Variants in RASGRP3 observed in about 807,000 individuals in gnomAD.
The protein encoded by RASGRP3 is ras guanyl-releasing protein 3.
In RASGRP3, 54 loss-of-function variants were observed where a neutral mutation model predicts 82.7. That is an observed-to-expected ratio of 0.65 (90% CI 0.52 to 0.82). The LOEUF is 0.82. Among genes scored for constraint, RASGRP3 ranks in the 40% least tolerant of loss-of-function variants. The probability of loss-of-function intolerance (pLI) is 0.00; values close to 1 mark genes in which losing one functional copy is unlikely to be tolerated. For synonymous variants in RASGRP3, 309 were observed against 300.5 expected (o/e 1.03, Z -0.29); for missense variants, 861 against 828.9 (o/e 1.04, Z -0.48).
At chr2:33,535,137 T>A (rs1433456344) in intron 11 of RASGRP3, among the ~76,000 whole-genome samples, 1 of 152,208 alleles carries the variant, frequency 6.6e-6, no homozygotes. Flanking sequence ...ATTTACAAAT[T>A]TCTCTACTAA....
chr2:33,476,495 G>A (rs1355592545), upstream of RASGRP3: 1 of 152,222 alleles, frequency 6.6e-6, no homozygotes, highest in Non-Finnish European at 1.5e-5. Flanking sequence ...CCAACTCAGG[G>A]GTTATGAGGT....
intron 2 of RASGRP3, among the ~76,000 whole-genome samples, chr2:33,462,459 C>G (rs1195791691): frequency 6.6e-6 from 1 of 150,584 alleles, no homozygotes; most frequent in Non-Finnish European, 1.5e-5. Flanking sequence ...CACACTGCAA[C>G]CTACACCTCC....
chr2:33,473,330 C>CCGAGAT (rs979344280), upstream of RASGRP3, among the ~76,000 whole-genome samples: 4 of 151,972 alleles, frequency 2.6e-5, no homozygotes, highest in African/African-American at 9.7e-5. Flanking sequence ...TTGCAGTGAG[C>CCGAGAT]CGAGATCGCG....
At chr2:33,447,288 A>G (rs1665553945) in intron 1 of RASGRP3, among the ~76,000 whole-genome samples, 1 of 152,130 alleles carries the variant, frequency 6.6e-6, no homozygotes, top group African/African-American at 2.4e-5. Flanking sequence ...AGGCTGGGCC[A>G]GGGGGACAGA....
At chr2:33,472,622 A>G (rs779011435), upstream of RASGRP3, among the ~76,000 whole-genome samples, 30 of 152,162 alleles carry the variant, frequency 2.0e-4, no homozygotes, top group Non-Finnish European at 4.0e-4. Context: ...TATAGACGCC[A>G]TGGGAGAGCT....
intron 1 of RASGRP3, among the ~76,000 whole-genome samples, chr2:33,437,465 T>C (rs1664987148): frequency 6.6e-6 from 1 of 152,238 alleles, no homozygotes; most frequent in Admixed American, 6.5e-5. Flanking sequence ...AGTAACTTGA[T>C]TAATGTTACC....
At chr2:33,447,485 G>T (rs1173475122) in intron 1 of RASGRP3, among the ~76,000 whole-genome samples, 3 of 151,626 alleles carry the variant, frequency 2.0e-5, no homozygotes, top group Non-Finnish European at 2.9e-5. Context: ...ACCCAGGCTG[G>T]AGTGCAGTGG....
At chr2:33,562,264 TCTC>T (rs925457709) in intron 17 of RASGRP3, among the ~76,000 whole-genome samples, 4 of 118,124 alleles carry the variant, frequency 3.4e-5, no homozygotes, top group South Asian at 2.7e-4. Context: ...ATGATCTCTC[TCTC>T]TTTTTTTTTT....
In RASGRP3 at chr2:33,471,447, ACTGGGGTT is replaced by A. The variant is rs1207879849; in HGVS notation, c.-261+23505_-261+23512del. Among the ~76,000 whole-genome samples the A allele has an allele frequency of 4.0e-5, 6 of 148,226 alleles. No individual in the cohort carries two copies. The East Asian group carries it at 1.2e-3, about 29-fold the overall frequency. On this transcript the variant is annotated intron_variant, in intron 2 of 18. Coordinates refer to the RASGRP3 transcript ENST00000402538. Reference sequence around the variant, plus strand: ...TCCTGCCACCTTGGCCTCCCAAAGCACTGGGGTTACAGGGGTGAGCCACTATTCCCAGC... The same window carrying A: ...TCCTGCCACCTTGGCCTCCCAAAGCAACAGGGGTGAGCCACTATTCCCAGC...
At chr2:33,456,241 A>G (rs1200394274) in intron 2 of RASGRP3, among the ~76,000 whole-genome samples, 1 of 152,116 alleles carries the variant, frequency 6.6e-6, no homozygotes, top group Non-Finnish European at 1.5e-5. Flanking sequence ...GTAAAAATGG[A>G]TCTGTCTTTT....
intron 14 of RASGRP3, 41 bp from the exon 15 acceptor site, chr2:33,555,490 T>C: frequency 1.9e-6 from 3 of 1,547,690 alleles, no homozygotes; most frequent in Non-Finnish European, 2.7e-6. Flanking sequence ...CTTCCAGATC[T>C]ATCCTCAGAT....
chr2:33,536,986 G>A (rs552678092), intron 11 of RASGRP3, among the ~76,000 whole-genome samples: 2 of 152,136 alleles, frequency 1.3e-5, no homozygotes, highest in African/African-American at 4.8e-5. Flanking sequence ...GAGAGTCAGG[G>A]TGACAGCCTT....
chr2:33,444,678 T>G (rs914106445), intron 1 of RASGRP3, among the ~76,000 whole-genome samples: 1 of 152,252 alleles, frequency 6.6e-6, no homozygotes, highest in Non-Finnish European at 1.5e-5. Context: ...TAAGATTGAA[T>G]AGTTGAATAG....
At chr2:33,503,980 T>C (rs1391274043) in intron 1 of RASGRP3, among the ~76,000 whole-genome samples, 5 of 152,208 alleles carry the variant, frequency 3.3e-5, no homozygotes, top group African/African-American at 1.2e-4. Context: ...TTTAAAAAAA[T>C]CCAAAGGTGG....
At chr2:33,450,788 TTTTTC>T (rs1430332902) in intron 2 of RASGRP3, among the ~76,000 whole-genome samples, 2 of 149,224 alleles carry the variant, frequency 1.3e-5, no homozygotes, top group African/African-American at 4.9e-5. Context: ...GTTTTTTTCT[TTTTTC>T]TTTTCTTTCT....
intron 1 of RASGRP3, among the ~76,000 whole-genome samples, chr2:33,497,841 A>C (rs1474218331): frequency 6.6e-6 from 1 of 152,246 alleles, no homozygotes; most frequent in African/African-American, 2.4e-5. Context: ...AAAATAATGA[A>C]TAATACAGAG....
At position 33,556,231 on chromosome 2, in the gene RASGRP3, C is replaced by CTTTTTTTTTTTTTTTTTT. The variant is rs573022728; in HGVS notation, c.1579+674_1579+691dup. ...CAGTTTATATGGTTCTTCTAATAAT[C>CTTTTTTTTTTTTTTTTTT]TTTTTTTTTTTTTTTTTTTTTTTTT... On this transcript the variant is annotated intron_variant, in intron 15 of 17. Coordinates refer to ENST00000403687, the MANE Select transcript of RASGRP3 (RefSeq NM_001139488.2). Among the ~76,000 whole-genome samples the CTTTTTTTTTTTTTTTTTT allele has an allele frequency of 3.3e-4, 19 of 57,494 alleles. 1 individual carries two copies. Among genetic ancestry groups the CTTTTTTTTTTTTTTTTTT allele is most frequent in the East Asian group, 1.0e-3 (2 of 1,956 alleles). The allele number at this position is 57,494 out of a possible 152,430, so 37.7% of individuals were successfully genotyped here. A position where few individuals can be genotyped will look rare whatever the true frequency, so the allele number is the denominator to read the frequency against.
chr2:33,511,966 G>A (rs1670967528), intron 2 of RASGRP3, 124 bp downstream of exon 2: 1 of 152,404 alleles, frequency 6.6e-6, no homozygotes, highest in Non-Finnish European at 1.5e-5. Flanking sequence ...GATGAGATTA[G>A]GGATAACTTT....
intron 1 of RASGRP3, among the ~76,000 whole-genome samples, chr2:33,442,209 C>T (rs1003394163): frequency 6.6e-6 from 1 of 152,178 alleles, no homozygotes; most frequent in Admixed American, 6.5e-5. Flanking sequence ...ACTAAAAATA[C>T]AAAACTTAGC....
Sources: gnomAD v4.1 joint callset for allele counts (sites outside exome capture counted in the v4.1 genomes callset) on GRCh38, gnomAD v4.1.1 for gene constraint, MANE v1.5 for transcripts, NCBI Gene and HGNC (gene_info 2026-07-23, HGNC 2026-07-21) for gene names.